Variants in FAR2 observed in about 807,000 individuals in gnomAD.
The protein encoded by FAR2 is epididymis secretory protein Li 81.
FAR2 carries 19 observed loss-of-function variants against 56.0 expected under a neutral mutation model. The observed-to-expected ratio is 0.34, with a 90% CI of 0.24 to 0.50. The LOEUF (loss-of-function observed/expected upper bound fraction) is 0.50. Among genes scored for constraint, FAR2 ranks in the 20% least tolerant of loss-of-function variants. The pLI is 0.98. For missense variants in FAR2, 508 were observed against 642.2 expected (o/e 0.79, Z 2.26); for synonymous variants, 219 against 218.8 (o/e 1.00, Z -0.01).
chr12:29,280,019 G>A lies in FAR2; in HGVS notation c.189+9381G>A, dbSNP rs554971457. On this transcript the variant is annotated intron_variant, in intron 2 of 11. Transcript: ENST00000536681. ...TGCTCACTGCAACCTCCACCACCCG[G>A]GTTCAAGTGATTCTCCTGCCTCAGC... 4.0e-5 allele frequency among the ~76,000 whole-genome samples: 6 copies of A among 151,788 alleles called. No homozygotes were observed. The South Asian group carries it at 1.3e-3, about 32-fold the overall frequency.
At chr12:29,169,157 C>T (rs948482288) in intron 1 of FAR2, among the ~76,000 whole-genome samples, 18 of 152,194 alleles carry the variant, frequency 1.2e-4, no homozygotes, top group Non-Finnish European at 1.0e-4. Context: ...CAGCTGGCTT[C>T]ACCTCTCAAT....
chr12:29,227,177 A>T (rs192081311), intron 1 of FAR2, among the ~76,000 whole-genome samples: 1 of 152,206 alleles, frequency 6.6e-6, no homozygotes, highest in Non-Finnish European at 1.5e-5. Flanking sequence ...TGTTATATTT[A>T]TGATTCTGGT....
chr12:29,299,075 T>C (rs1949116378), intron 4 of FAR2, among the ~76,000 whole-genome samples: 1 of 151,508 alleles, frequency 6.6e-6, no homozygotes, highest in African/African-American at 2.4e-5. Flanking sequence ...TAGCTAGGTG[T>C]GGTGGCACAT....
intron 1 of FAR2, among the ~76,000 whole-genome samples, chr12:29,265,992 T>C (rs1948510051): frequency 6.6e-6 from 1 of 152,082 alleles, no homozygotes; most frequent in Non-Finnish European, 1.5e-5. Flanking sequence ...TTAAAATGGC[T>C]TTTATCCAAA....
chr12:29,231,049 G>A (rs1299738748), intron 1 of FAR2, among the ~76,000 whole-genome samples: 1 of 152,196 alleles, frequency 6.6e-6, no homozygotes, highest in Non-Finnish European at 1.5e-5. Context: ...GAGCACTTTG[G>A]AGATTTCAGC....
intron 1 of FAR2, among the ~76,000 whole-genome samples, chr12:29,219,487 A>C (rs1387256995): frequency 1.3e-5 from 2 of 152,100 alleles, no homozygotes; most frequent in African/African-American, 4.8e-5. Flanking sequence ...TAGAGGACAC[A>C]CTCCATGAGA....
intron 3 of FAR2, among the ~76,000 whole-genome samples, chr12:29,295,104 G>T (rs1450090615): frequency 6.6e-6 from 1 of 151,888 alleles, no homozygotes; most frequent in Admixed American, 6.6e-5. Flanking sequence ...ATGGAGTTTC[G>T]CTCTGTTGCC....
chr12:29,193,644 A>T (rs1022865352), intron 1 of FAR2, among the ~76,000 whole-genome samples: 1 of 152,162 alleles, frequency 6.6e-6, no homozygotes, highest in African/African-American at 2.4e-5. Flanking sequence ...TTATTCACTC[A>T]CCTACTGAAG....
chr12:29,275,081 G>C (rs1948687618), intron 2 of FAR2, among the ~76,000 whole-genome samples: 1 of 149,302 alleles, frequency 6.7e-6, no homozygotes, highest in Non-Finnish European at 1.5e-5. Flanking sequence ...GCGCGTCCAT[G>C]TGAAGAGACC....
intron 1 of FAR2, among the ~76,000 whole-genome samples, chr12:29,195,207 C>T (rs183296519): frequency 6.6e-6 from 1 of 152,196 alleles, no homozygotes; most frequent in Non-Finnish European, 1.5e-5. Context: ...GGTGTCAATA[C>T]ATCTTTTTTG....
At chr12:29,196,758 C>G (rs987695900) in intron 1 of FAR2, among the ~76,000 whole-genome samples, 26 of 152,018 alleles carry the variant, frequency 1.7e-4, no homozygotes, top group African/African-American at 5.8e-4. Context: ...CAAAAATAGA[C>G]AAATTGGATT....
intron 1 of FAR2, among the ~76,000 whole-genome samples, chr12:29,152,690 C>T (rs1332467994): frequency 2.6e-5 from 4 of 152,160 alleles, no homozygotes; most frequent in African/African-American, 9.7e-5. Context: ...AAACTTATGA[C>T]ATCATTAGTA....
intron 1 of FAR2, among the ~76,000 whole-genome samples, chr12:29,185,074 T>C (rs1250114796): frequency 1.3e-5 from 2 of 152,216 alleles, no homozygotes; most frequent in Admixed American, 1.3e-4. Context: ...GTATATGATA[T>C]CATATAGTTA....
At chr12:29,199,453 AGCCGG>A (rs1947376414) in intron 1 of FAR2, among the ~76,000 whole-genome samples, 1 of 151,964 alleles carries the variant, frequency 6.6e-6, no homozygotes, top group Non-Finnish European at 1.5e-5. Flanking sequence ...CAAAAAAATT[AGCCGG>A]GCGTGGTGGC....
chr12:29,186,755 ATTATTTATTTATTTATTTATTTAT>A (rs200745083), intron 1 of FAR2, among the ~76,000 whole-genome samples: 2 of 46,322 alleles, frequency 4.3e-5, no homozygotes, highest in Non-Finnish European at 8.5e-5. Flanking sequence ...TTCTTTATTT[ATTATTTATTTATTTATTTATTTAT>A]TTATTTATTT....
At position 29,204,461 on chromosome 12, in the gene FAR2, T is replaced by C. The variant is rs578239100; in HGVS notation, c.-39+55054T>C. 5.3e-5 allele frequency among the ~76,000 whole-genome samples: 8 copies of C among 152,272 alleles called. No individual in the cohort carries two copies. In the East Asian group the frequency reaches 1.5e-3, roughly 29 times the overall value. ...CATAGGGTGTTTAAGAGGGCCTCTA[T>C]GGGGATGAGGCATTTAAAGCTTAGA... is the stretch of plus-strand genomic sequence containing the variant. On this transcript the variant is annotated intron_variant, in intron 1 of 11. Coordinates refer to ENST00000536681, the MANE Select transcript of FAR2 (RefSeq NM_001271783.2).
At chr12:29,295,383 T>A (rs1255781417) in intron 3 of FAR2, among the ~76,000 whole-genome samples, 2 of 152,052 alleles carry the variant, frequency 1.3e-5, no homozygotes, top group Admixed American at 1.3e-4. Context: ...CACACTTCCA[T>A]TTTTATAGAA....
rs187261243 is a variant in FAR2, at chr12:29,248,912, G to A, written c.-38-21500G>A. ...ATGGCTCTGTTCCGCCCGGCTCACC[G>A]GCGGTCAGAGTTTAAGGGTATCTCT... On this transcript the variant is annotated intron_variant, in intron 1 of 11. Transcript: ENST00000536681. Among the ~76,000 whole-genome samples, 13 of 152,324 alleles carry A rather than the reference G, an allele frequency of 8.5e-5. No individual in the cohort carries two copies. The East Asian group carries it at 1.7e-3, about 20-fold the overall frequency.
At chr12:29,327,791 C>T (rs1156275606) in intron 10 of FAR2, among the ~76,000 whole-genome samples, 2 of 152,082 alleles carry the variant, frequency 1.3e-5, no homozygotes, top group East Asian at 1.9e-4. Flanking sequence ...GACCTAAAAC[C>T]ATAAAAACCC....
Sources: allele counts gnomAD v4.1 joint callset (sites outside exome capture counted in the v4.1 genomes callset), GRCh38; gene constraint gnomAD v4.1.1; transcripts MANE v1.5; gene names NCBI Gene and HGNC (gene_info 2026-07-23, HGNC 2026-07-21).